The following PKP4 variants were observed in gnomAD, a reference collection of about 807,000 sequenced individuals.
PKP4 encodes the protein plakophilin-4.
A neutral mutation model predicts 145.1 loss-of-function variants in PKP4; 90 were observed. That is an observed-to-expected ratio of 0.62 (90% CI 0.52 to 0.74). PKP4 has a LOEUF of 0.74. Among genes scored for constraint, PKP4 ranks in the 30% least tolerant of loss-of-function variants. The pLI, the probability that PKP4 is intolerant of heterozygous loss-of-function variation, is 0.00. For missense variants in PKP4, 1,340 were observed against 1,482.7 expected, an observed-to-expected ratio of 0.90 and a Z score of 1.58; for synonymous variants, 563 against 577.2, an observed-to-expected ratio of 0.98 and a Z score of 0.35.
intron 4 of PKP4, among the ~76,000 whole-genome samples, chr2:158,608,808 C>CTTTT (rs66933766): frequency 0.025 from 2,153 of 86,178 alleles, 147 homozygotes; most frequent in African/African-American, 0.073. Context: ...TCTTTTCTTT[C>CTTTT]TTTTTTTTTT....
rs1409917475 is a variant in PKP4 at position 158,523,878 on chromosome 2, A to G, written c.-5-9302A>G. On this transcript the variant is annotated intron_variant, in intron 1 of 21. Transcript: ENST00000389759. ...GATGTGATCAACTGGAAGAAAGGGT[A>G]TCAGCAACGGAAGATGAAATGAATG... Among the ~76,000 whole-genome samples the G allele has an allele frequency of 4.2e-5, 6 of 141,738 alleles. No individual in the cohort carries two copies. In the East Asian group the frequency reaches 1.0e-3, roughly 25 times the overall value. The allele number at this position is 141,738 out of a possible 152,430, so 93.0% of individuals were successfully genotyped here. A position where few individuals can be genotyped will look rare whatever the true frequency, so the allele number is the denominator to read the frequency against.
chr2:158,650,358 G>T (rs1159944090), intron 11 of PKP4, among the ~76,000 whole-genome samples: 2 of 152,206 alleles, frequency 1.3e-5, no homozygotes, highest in African/African-American at 4.8e-5. Context: ...ACATATCCAA[G>T]AAGTGGTAAA....
intron 1 of PKP4, among the ~76,000 whole-genome samples, chr2:158,483,076 AGTTAGCT>A (rs1166033557): frequency 6.6e-6 from 1 of 152,146 alleles, no homozygotes; most frequent in Non-Finnish European, 1.5e-5. Flanking sequence ...AGTCATGAGC[AGTTAGCT>A]GTCTGTTCAT....
Position 158,563,843 on chromosome 2 carries a change from G to C in PKP4, c.133-13428G>C, listed in dbSNP as rs186187355. 1.2e-4 allele frequency among the ~76,000 whole-genome samples: 18 copies of C among 152,032 alleles called. No homozygotes were observed. The East Asian group carries it at 2.7e-3, about 23-fold the overall frequency. On this transcript the variant is annotated intron_variant, in intron 2 of 21. Coordinates refer to ENST00000389759, the MANE Select transcript of PKP4 (RefSeq NM_003628.6). ...TCTGATGTGTTGTTTCCAATTGTTAGAATAGGCCATAATAGGTTATTGGAA... is the reference window on the plus strand; with the variant it reads ...TCTGATGTGTTGTTTCCAATTGTTACAATAGGCCATAATAGGTTATTGGAA...
chr2:158,625,006 A>G lies in PKP4; in HGVS notation c.732A>G (p.Gly244=). Residue 244 remains glycine (G), a synonymous_variant, in exon 7 of 22, where the codon GGA becomes GGG. Transcript: ENST00000389759. Reference sequence around the variant, plus strand: ...CTCTGAGAACTTCTCTGGGTAGTGGATTTGGCTCTCCGTCAGTGACCGACC... The same window carrying G: ...CTCTGAGAACTTCTCTGGGTAGTGGGTTTGGCTCTCCGTCAGTGACCGACC... ...RGSLRTSLGS[G]FGSPSVTDPR... is the part of the protein sequence containing the mutation. 6.2e-7 allele frequency: 1 copy of G among 1,614,074 alleles called. No homozygotes were observed.
Position 158,574,480 on chromosome 2 carries a change from G to A in PKP4, c.133-2791G>A, listed in dbSNP as rs114097782. 8.2e-3 allele frequency among the ~76,000 whole-genome samples: 1,246 copies of A among 152,232 alleles called. 21 individuals carry two copies. The highest frequency in any genetic ancestry group is 0.029 in the African/African-American group (1,188 of 41,526). On this transcript the variant is annotated intron_variant, in intron 2 of 21. Coordinates refer to ENST00000389759, the MANE Select transcript of PKP4 (RefSeq NM_003628.6). ...TTATTAGATGTGTTTTCATATGACA[G>A]CATAATACTGTCCTCATCAGTCAGT...
At chr2:158,634,814 A>G (rs761528338) in intron 9 of PKP4, among the ~76,000 whole-genome samples, 1 of 147,776 alleles carries the variant, frequency 6.8e-6, no homozygotes, top group Non-Finnish European at 1.5e-5. Flanking sequence ...TTTATAAGAA[A>G]TTCTATCTAA....
intron 7 of PKP4, among the ~76,000 whole-genome samples, chr2:158,631,377 A>T (rs2053342795): frequency 6.6e-6 from 1 of 151,690 alleles, no homozygotes; most frequent in Admixed American, 6.6e-5. Context: ...ATATCTATGT[A>T]TGTATATATG....
chr2:158,534,788 T>C (rs531010223), intron 2 of PKP4, among the ~76,000 whole-genome samples: 59 of 152,206 alleles, frequency 3.9e-4, no homozygotes, highest in Non-Finnish European at 7.6e-4. Context: ...TAGAATTCCT[T>C]GATGGCCTCA....
At chr2:158,598,723 C>T (rs867255483) in intron 3 of PKP4, among the ~76,000 whole-genome samples, 4 of 152,058 alleles carry the variant, frequency 2.6e-5, no homozygotes, top group African/African-American at 4.8e-5. Context: ...GAGGCGAGAT[C>T]GCGCCACTGC....
At chr2:158,528,886 G>A (rs964018041) in intron 1 of PKP4, among the ~76,000 whole-genome samples, 1 of 152,136 alleles carries the variant, frequency 6.6e-6, no homozygotes, top group Non-Finnish European at 1.5e-5. Context: ...GCTTTCAGGT[G>A]GCTGATACAG....
In PKP4 at chr2:158,593,191, G is replaced by A. The variant is rs79481804; in HGVS notation, c.246-9879G>A. ...ATTTTGTAGACCATGGACACAAATA[G>A]TTCCCAGTAGCCCCTCTGTTTCAAG... is the stretch of plus-strand genomic sequence containing the variant. On this transcript the variant is annotated intron_variant, in intron 3 of 21. Transcript: ENST00000389759. 6.9e-3 allele frequency among the ~76,000 whole-genome samples: 1,049 copies of A among 152,268 alleles called. 14 individuals carry two copies. The highest frequency in any genetic ancestry group is 0.024 in the African/African-American group (999 of 41,556).
At chr2:158,581,403 A>T (rs1253865178) in intron 3 of PKP4, among the ~76,000 whole-genome samples, 1 of 152,172 alleles carries the variant, frequency 6.6e-6, no homozygotes, top group Non-Finnish European at 1.5e-5. Flanking sequence ...GGTGATCTGT[A>T]AGATTTTCTT....
chr2:158,634,019 T>C (rs754265594), intron 8 of PKP4, 51 bp from the exon 9 acceptor site: 5 of 976,624 alleles, frequency 5.1e-6, no homozygotes, highest in Admixed American at 3.8e-5. Context: ...TTAATTAAAG[T>C]GTGATCTCAT....
intron 2 of PKP4, among the ~76,000 whole-genome samples, chr2:158,554,629 G>T (rs1280990924): frequency 6.6e-6 from 1 of 151,948 alleles, no homozygotes; most frequent in Admixed American, 6.6e-5. Context: ...GTTTCACTGT[G>T]TTAGCCAGGA....
chr2:158,611,744 T>A (rs2051167599), intron 4 of PKP4, among the ~76,000 whole-genome samples: 1 of 152,210 alleles, frequency 6.6e-6, no homozygotes, highest in Non-Finnish European at 1.5e-5. Context: ...TTGAGGATTT[T>A]GGATGCCGTC....
At chr2:158,585,397 C>A (rs755791349) in intron 3 of PKP4, among the ~76,000 whole-genome samples, 28 of 152,134 alleles carry the variant, frequency 1.8e-4, no homozygotes, top group Non-Finnish European at 3.5e-4. Context: ...ATATTTGATT[C>A]CCCACTGCCA....
At chr2:158,511,598 G>C (rs1387753952) in intron 1 of PKP4, among the ~76,000 whole-genome samples, 4 of 151,956 alleles carry the variant, frequency 2.6e-5, no homozygotes, top group Admixed American at 2.0e-4. Flanking sequence ...TACTATATTT[G>C]CTCAATTAAC....
At chr2:158,597,100 A>G (rs887191290) in intron 3 of PKP4, among the ~76,000 whole-genome samples, 26 of 152,314 alleles carry the variant, frequency 1.7e-4, no homozygotes, top group East Asian at 1.2e-3. Flanking sequence ...CATTGACATC[A>G]GAGTCCTCTC....
Sources: gnomAD v4.1 joint callset for allele counts (sites outside exome capture counted in the v4.1 genomes callset) on GRCh38, gnomAD v4.1.1 for gene constraint, MANE v1.5 for transcripts, NCBI Gene and HGNC (gene_info 2026-07-23, HGNC 2026-07-21) for gene names.